PRKAR2A: variants seen among roughly 807,000 people sequenced by gnomAD.
The protein encoded by PRKAR2A is protein kinase cAMP-dependent type II regulatory subunit alpha, also known as cAMP-dependent protein kinase type II-alpha regulatory subunit.
A neutral mutation model predicts 51.9 loss-of-function variants in PRKAR2A; 29 were observed. That is an observed-to-expected ratio of 0.56 (90% CI 0.42 to 0.76). PRKAR2A has a LOEUF of 0.76. PRKAR2A is among the 30% of genes least tolerant of loss of function. The pLI is 0.00. For missense variants in PRKAR2A, 445 were observed against 512.1 expected, an observed-to-expected ratio of 0.87 and a Z score of 1.26; for synonymous variants, 178 against 186.2, an observed-to-expected ratio of 0.96 and a Z score of 0.36.
intron 1 of PRKAR2A, among the ~76,000 whole-genome samples, chr3:48,846,552 A>G (rs999454542): frequency 6.6e-6 from 1 of 151,932 alleles, no homozygotes; most frequent in Non-Finnish European, 1.5e-5. Context: ...TAGGGTGTCT[A>G]TTTTGCCCAG....
intron 3 of PRKAR2A, among the ~76,000 whole-genome samples, chr3:48,791,275 G>A (rs558470544): frequency 3.0e-4 from 29 of 96,750 alleles, no homozygotes; most frequent in African/African-American, 1.1e-3. Context: ...GACAGAGAGA[G>A]ATTCCATCTT....
At chr3:48,837,477 G>A (rs2083303912) in intron 1 of PRKAR2A, among the ~76,000 whole-genome samples, 1 of 152,190 alleles carries the variant, frequency 6.6e-6, no homozygotes, top group Non-Finnish European at 1.5e-5. Context: ...AGAGGAATTA[G>A]AATCCTCAAA....
chr3:48,805,247 G>A (rs1048260962), intron 2 of PRKAR2A, among the ~76,000 whole-genome samples: 42 of 152,126 alleles, frequency 2.8e-4, no homozygotes, highest in Admixed American at 2.7e-3. Context: ...TCAGGGAGAA[G>A]GGAGAGAGAA....
In PRKAR2A at chr3:48,842,926, C is replaced by T. The variant is rs555098867; in HGVS notation, c.262+4409G>A. Among the ~76,000 whole-genome samples, 366 of 152,276 alleles carry T rather than the reference C, an allele frequency of 2.4e-3. 3 individuals carry two copies. The highest frequency in any genetic ancestry group is 8.4e-3 in the African/African-American group (348 of 41,556). ...TTTGGTATCAGGATGATGCTGGCCT[C>T]ATAAAATGAGTTAGGGAGGATTCCC... is the stretch of plus-strand genomic sequence containing the variant. On this transcript the variant is annotated intron_variant, in intron 1 of 10. Coordinates refer to ENST00000265563, the MANE Select transcript of PRKAR2A (RefSeq NM_004157.4).
chr3:48,824,568 A>T (rs2083027197), intron 1 of PRKAR2A, among the ~76,000 whole-genome samples: 1 of 145,666 alleles, frequency 6.9e-6, no homozygotes, highest in African/African-American at 2.8e-5. Flanking sequence ...AAAGAAAGAA[A>T]GAAAGAAAGA....
At chr3:48,838,422 C>G (rs2083320257) in intron 1 of PRKAR2A, among the ~76,000 whole-genome samples, 1 of 151,756 alleles carries the variant, frequency 6.6e-6, no homozygotes, top group Non-Finnish European at 1.5e-5. Flanking sequence ...GCCTGGCCAT[C>G]ATGGTGAAAC....
chr3:48,829,867 ATATATTTTTT>A (rs1163298130), intron 1 of PRKAR2A, among the ~76,000 whole-genome samples: 3 of 79,624 alleles, frequency 3.8e-5, no homozygotes, highest in Non-Finnish European at 6.6e-5. Context: ...ATATATATAT[ATATATTTTTT>A]TTTTTTTTTT....
chr3:48,817,827 C>T (rs1346915705), intron 1 of PRKAR2A, among the ~76,000 whole-genome samples: 3 of 151,714 alleles, frequency 2.0e-5, no homozygotes, highest in Admixed American at 2.0e-4. Context: ...CTTTACAGCA[C>T]AAGAGCTGTG....
intron 1 of PRKAR2A, among the ~76,000 whole-genome samples, chr3:48,810,248 A>C (rs868756037): frequency 2.6e-4 from 40 of 152,248 alleles, no homozygotes; most frequent in Admixed American, 1.0e-3. Flanking sequence ...GTACACACAC[A>C]CACACGTATA....
intron 4 of PRKAR2A, among the ~76,000 whole-genome samples, chr3:48,789,112 T>A (rs2082341465): frequency 6.6e-6 from 1 of 152,178 alleles, no homozygotes; most frequent in Non-Finnish European, 1.5e-5. Context: ...CAGACCCTCC[T>A]AACTAAGCCA....
intron 1 of PRKAR2A, among the ~76,000 whole-genome samples, chr3:48,844,058 A>C (rs1311822420): frequency 3.3e-5 from 5 of 150,884 alleles, no homozygotes; most frequent in African/African-American, 4.9e-5. Flanking sequence ...CAACCTACAA[A>C]ATGGGAGAAA....
At chr3:48,842,173 C>A (rs1213633782) in intron 1 of PRKAR2A, among the ~76,000 whole-genome samples, 1 of 152,146 alleles carries the variant, frequency 6.6e-6, no homozygotes, top group East Asian at 1.9e-4. Flanking sequence ...CTCTTTGAAG[C>A]AATTGTGAAT....
chr3:48,846,219 CTT>C lies in PRKAR2A; in HGVS notation c.262+1114_262+1115del, dbSNP rs11340522. On this transcript the variant is annotated intron_variant, in intron 1 of 10. Transcript: ENST00000265563. ...TATAGTTACTGGGTTTTTCCTTTTTCTTTTTTTTTTTTTTTGAGACGGAGTTC... is the reference window on the plus strand; with the variant it reads ...TATAGTTACTGGGTTTTTCCTTTTTCTTTTTTTTTTTTTGAGACGGAGTTC... Among the ~76,000 whole-genome samples the C allele has an allele frequency of 2.7e-3, 345 of 127,250 alleles. 1 individual carries two copies. Among genetic ancestry groups the C allele is most frequent in the African/African-American group, 5.4e-3 (179 of 33,020 alleles). The allele number at this position is 127,250 out of a possible 152,430, so 83.5% of individuals were successfully genotyped here. A position where few individuals can be genotyped will look rare whatever the true frequency, so the allele number is the denominator to read the frequency against.
At position 48,778,872 on chromosome 3, in the gene PRKAR2A, C is replaced by T. The variant is rs1209318805; in HGVS notation, c.542+4114G>A. On this transcript the variant is annotated intron_variant, in intron 5 of 10. Coordinates refer to ENST00000265563, the MANE Select transcript of PRKAR2A (RefSeq NM_004157.4). Reference sequence around the variant, plus strand: ...TGGAGTTTCACTATTGTTGCCCAGGCTGGAGTGCAATGGCATGATCTCGGC... The same window carrying T: ...TGGAGTTTCACTATTGTTGCCCAGGTTGGAGTGCAATGGCATGATCTCGGC... Among the ~76,000 whole-genome samples the T allele has an allele frequency of 2.2e-5, 3 of 136,330 alleles. No individual in the cohort carries two copies. The East Asian group carries it at 6.5e-4, about 29-fold the overall frequency. 89.4% of individuals were successfully genotyped at this position (136,330 alleles called of 152,430 possible).
chr3:48,831,092 G>A (rs1319491359), intron 1 of PRKAR2A, among the ~76,000 whole-genome samples: 2 of 152,078 alleles, frequency 1.3e-5, no homozygotes, highest in Admixed American at 6.6e-5. Context: ...TGGGGACCCG[G>A]GATGTACTAT....
At chr3:48,817,504 T>C (rs1011597383) in intron 1 of PRKAR2A, among the ~76,000 whole-genome samples, 6 of 150,082 alleles carry the variant, frequency 4.0e-5, no homozygotes, top group African/African-American at 2.4e-5. Flanking sequence ...ATACAAAAAA[T>C]TAGCCAGGCA....
chr3:48,755,250 C>T (rs2081741513), intron 9 of PRKAR2A, among the ~76,000 whole-genome samples: 1 of 152,022 alleles, frequency 6.6e-6, no homozygotes, highest in African/African-American at 2.4e-5. Context: ...CCCGCCTCAG[C>T]CTCCTAAAGT....
chr3:48,809,319 G>A (rs1021592411), intron 1 of PRKAR2A, among the ~76,000 whole-genome samples: 7 of 151,958 alleles, frequency 4.6e-5, no homozygotes, highest in East Asian at 3.9e-4. Context: ...GGCCAAGTAC[G>A]GTGGCTTACT....
At chr3:48,830,270 C>A (rs1179716347) in intron 1 of PRKAR2A, among the ~76,000 whole-genome samples, 1 of 152,068 alleles carries the variant, frequency 6.6e-6, no homozygotes, top group Admixed American at 6.6e-5. Flanking sequence ...TCAGGACCGC[C>A]TAGACCTAAG....
Sources: gnomAD v4.1 joint callset for allele counts (sites outside exome capture counted in the v4.1 genomes callset) on GRCh38, gnomAD v4.1.1 for gene constraint, MANE v1.5 for transcripts, NCBI Gene and HGNC (gene_info 2026-07-23, HGNC 2026-07-21) for gene names.